SLC39A11: variants seen among roughly 807,000 people sequenced by gnomAD.
The protein encoded by SLC39A11 is solute carrier family 39 member 11.
SLC39A11 carries 33 observed loss-of-function variants against 36.1 expected under a neutral mutation model. That is an observed-to-expected ratio of 0.91 (90% CI 0.69 to 1.22). The LOEUF (loss-of-function observed/expected upper bound fraction) is 1.22. Among genes scored for constraint, SLC39A11 ranks in the 50% most tolerant of loss-of-function variants. The pLI is 0.00. For missense variants in SLC39A11, 432 were observed against 430.3 expected, an observed-to-expected ratio of 1.00 and a Z score of -0.03; for synonymous variants, 166 against 170.3, an observed-to-expected ratio of 0.97 and a Z score of 0.20.
chr17:72,852,160 C>G (rs1429205619), intron 5 of SLC39A11, among the ~76,000 whole-genome samples: 14 of 134,750 alleles, frequency 1.0e-4, no homozygotes, highest in African/African-American at 3.8e-4. Context: ...ACCCGAGATC[C>G]CGCGGCTGCA....
At chr17:72,735,870 G>A (rs1321168888) in intron 7 of SLC39A11, among the ~76,000 whole-genome samples, 1 of 152,164 alleles carries the variant, frequency 6.6e-6, no homozygotes, top group African/African-American at 2.4e-5. Context: ...TTCCAGGCAG[G>A]TAGAAGAGCA....
intron 6 of SLC39A11, among the ~76,000 whole-genome samples, chr17:72,796,215 T>G (rs1174217924): frequency 6.6e-6 from 1 of 152,006 alleles, no homozygotes; most frequent in Non-Finnish European, 1.5e-5. Context: ...AAACCTATTT[T>G]CCAACACACG....
chr17:72,648,561 CG>C (rs1197040465), intron 9 of SLC39A11, among the ~76,000 whole-genome samples: 5 of 152,048 alleles, frequency 3.3e-5, no homozygotes, highest in Middle Eastern at 3.4e-3. Context: ...CATCAAGGGA[CG>C]GGGGGCAGGT....
At chr17:73,013,232 C>A (rs547040893) in intron 4 of SLC39A11, among the ~76,000 whole-genome samples, 3 of 152,034 alleles carry the variant, frequency 2.0e-5, no homozygotes, top group Non-Finnish European at 2.9e-5. Flanking sequence ...GGACTACAGG[C>A]GTGCACCATC....
chr17:72,647,812 G>A, intron 9 of SLC39A11, 150 bp from the exon 10 acceptor site: 1 of 627,682 alleles, frequency 1.6e-6, no homozygotes. Context: ...TATGTGCCAG[G>A]CAAACTAATG....
chr17:73,008,112 A>AAAAAGAAAAAGG (rs1380014752), intron 4 of SLC39A11, among the ~76,000 whole-genome samples: 1 of 143,272 alleles, frequency 7.0e-6, no homozygotes, highest in Non-Finnish European at 1.5e-5. Flanking sequence ...CAAAAAAAAG[A>AAAAAGAAAAAGG]AAAAGAAAAA....
chr17:72,914,570 T>C (rs2083226076), intron 5 of SLC39A11, among the ~76,000 whole-genome samples: 1 of 152,010 alleles, frequency 6.6e-6, no homozygotes, highest in African/African-American at 2.4e-5. Flanking sequence ...CCATAGGTAC[T>C]GAGGGACAGT....
chr17:72,937,404 G>A lies in SLC39A11; in HGVS notation c.430+10348C>T, dbSNP rs567365339. 4.6e-5 allele frequency among the ~76,000 whole-genome samples: 7 copies of A among 152,284 alleles called. No homozygotes were observed. The South Asian group carries it at 1.5e-3, about 32-fold the overall frequency. On this transcript the variant is annotated intron_variant, in intron 5 of 9. Transcript: ENST00000255559. ...TGGGAGGCGGAGGTTGCAGTGAGCCGAGATTGCGCCACTGCACTTCAGTCT... is the reference window on the plus strand; with the variant it reads ...TGGGAGGCGGAGGTTGCAGTGAGCCAAGATTGCGCCACTGCACTTCAGTCT...
At chr17:72,948,204 A>AG (rs2085563798) in intron 4 of SLC39A11, among the ~76,000 whole-genome samples, 1 of 150,714 alleles carries the variant, frequency 6.6e-6, no homozygotes. Context: ...CGCCGCACAC[A>AG]CACAAAACCC....
At chr17:72,836,922 A>G (rs1436610744) in intron 6 of SLC39A11, among the ~76,000 whole-genome samples, 1 of 152,184 alleles carries the variant, frequency 6.6e-6, no homozygotes, top group Non-Finnish European at 1.5e-5. Context: ...AAGCTGTTGC[A>G]TCACGGTTTC....
chr17:72,689,009 C>T (rs528286655), intron 7 of SLC39A11, among the ~76,000 whole-genome samples: 1 of 152,276 alleles, frequency 6.6e-6, no homozygotes, highest in Non-Finnish European at 1.5e-5. Context: ...CCCACACTGC[C>T]CAGGGCCCCT....
intron 6 of SLC39A11, among the ~76,000 whole-genome samples, chr17:72,799,894 A>C (rs1598785867): frequency 6.9e-6 from 1 of 145,628 alleles, no homozygotes; most frequent in African/African-American, 2.6e-5. Flanking sequence ...CTTTGTACCT[A>C]CTCTCTGTTC....
chr17:73,054,698 C>T (rs567372362), intron 3 of SLC39A11, among the ~76,000 whole-genome samples: 1 of 151,678 alleles, frequency 6.6e-6, no homozygotes, highest in African/African-American at 2.4e-5. Context: ...ATCCCAACTA[C>T]TCAGGAGGCT....
At chr17:72,974,568 T>C (rs2087707830) in intron 4 of SLC39A11, among the ~76,000 whole-genome samples, 1 of 152,240 alleles carries the variant, frequency 6.6e-6, no homozygotes, top group African/African-American at 2.4e-5. Flanking sequence ...TAAGTGTTAT[T>C]ACAAAAGAGT....
At chr17:72,988,551 C>T (rs1381414773) in intron 4 of SLC39A11, among the ~76,000 whole-genome samples, 1 of 152,106 alleles carries the variant, frequency 6.6e-6, no homozygotes, top group Non-Finnish European at 1.5e-5. Flanking sequence ...AGGTCTTACT[C>T]ATTCTTATTC....
intron 7 of SLC39A11, among the ~76,000 whole-genome samples, chr17:72,654,759 A>T (rs1426387979): frequency 6.6e-6 from 1 of 152,208 alleles, no homozygotes; most frequent in Non-Finnish European, 1.5e-5. Flanking sequence ...GTCCGCTGCC[A>T]TTGCCTGCAC....
At chr17:72,650,878 G>C (rs1286934797) in intron 7 of SLC39A11, among the ~76,000 whole-genome samples, 1 of 152,134 alleles carries the variant, frequency 6.6e-6, no homozygotes, top group Non-Finnish European at 1.5e-5. Context: ...TGGCCCTGAA[G>C]GTCCTGTCAG....
intron 6 of SLC39A11, among the ~76,000 whole-genome samples, chr17:72,788,902 C>T (rs1258770377): frequency 2.0e-5 from 3 of 152,254 alleles, no homozygotes; most frequent in Non-Finnish European, 4.4e-5. Flanking sequence ...CCACAGGTGA[C>T]ATGTACTGTG....
At chr17:73,030,147 C>G (rs1283322519) in intron 4 of SLC39A11, among the ~76,000 whole-genome samples, 1 of 152,224 alleles carries the variant, frequency 6.6e-6, no homozygotes, top group Non-Finnish European at 1.5e-5. Context: ...CACGGCTGAT[C>G]TGACAGGAGG....
Sources: allele counts gnomAD v4.1 joint callset (sites outside exome capture counted in the v4.1 genomes callset), GRCh38; gene constraint gnomAD v4.1.1; transcripts MANE v1.5; gene names NCBI Gene and HGNC (gene_info 2026-07-23, HGNC 2026-07-21).